RAB27A: variants seen among roughly 807,000 people sequenced by gnomAD.
RAB27A encodes RAB27A, member RAS oncogene family.
Under a neutral mutation model 20.8 loss-of-function variants are expected in RAB27A, and 17 were observed. The observed-to-expected ratio is 0.82, with a 90% CI of 0.56 to 1.23. The LOEUF is 1.23. Among genes scored for constraint, RAB27A ranks in the 50% most tolerant of loss-of-function variants. The pLI is 0.00. For missense variants in RAB27A, 277 were observed against 266.7 expected (o/e 1.04, Z -0.27); for synonymous variants, 85 against 92.8 (o/e 0.92, Z 0.48).
chr15:55,309,372 C>A (rs1438080560), intron 2 of RAB27A, among the ~76,000 whole-genome samples: 1 of 152,200 alleles, frequency 6.6e-6, no homozygotes, highest in Non-Finnish European at 1.5e-5. Context: ...GGTTTGGAAA[C>A]CTTGTAGTCA....
At chr15:55,220,657 A>G (rs12442937) in intron 6 of RAB27A, among the ~76,000 whole-genome samples, 18,691 of 152,240 alleles carry the variant, frequency 0.12, 1,438 homozygotes, top group Admixed American at 0.2. Context: ...TACAAATTAT[A>G]TGAAGATATG....
chr15:55,276,904 G>A (rs1003890900), intron 1 of RAB27A, among the ~76,000 whole-genome samples: 3 of 152,176 alleles, frequency 2.0e-5, no homozygotes, highest in African/African-American at 4.8e-5. Flanking sequence ...TGATGGTGGC[G>A]ATGGTTTCAT....
At chr15:55,317,521 G>T in intron 1 of RAB27A, 1 of 349,106 alleles carries the variant, frequency 2.9e-6, no homozygotes, top group Non-Finnish European at 5.1e-6. Context: ...CACCATGTTG[G>T]TCAGGCTGGT....
intron 6 of RAB27A, among the ~76,000 whole-genome samples, chr15:55,216,339 C>T (rs1282137034): frequency 2.6e-5 from 4 of 152,084 alleles, no homozygotes; most frequent in African/African-American, 4.8e-5. Context: ...TCAAGATCAG[C>T]CTGGCCAACA....
intron 1 of RAB27A, among the ~76,000 whole-genome samples, chr15:55,276,950 T>C (rs1272247889): frequency 6.6e-6 from 1 of 152,220 alleles, no homozygotes; most frequent in Admixed American, 6.5e-5. Context: ...TCAAGATGTA[T>C]ACATTAAATA....
Position 55,241,598 on chromosome 15 carries a change from A to ATTTC in RAB27A, c.-22-6643_-22-6642insGAAA, listed in dbSNP as rs1204017741. 1.6e-3 allele frequency among the ~76,000 whole-genome samples: 151 copies of ATTTC among 96,838 alleles called. 3 individuals are homozygous for ATTTC. Among genetic ancestry groups the ATTTC allele is most frequent in the African/African-American group, 8.0e-3 (145 of 18,074 alleles). The allele number at this position is 96,838 out of a possible 152,430, so 63.5% of individuals were successfully genotyped here. On this transcript the variant is annotated intron_variant, in intron 2 of 6. Transcript: ENST00000336787. ...CTAGCCCAGGCAACTAGCAAGACCT[A>ATTTC]TTTATATATATATATATATATATAT...
At chr15:55,209,752 GTGTA>G (rs1894831484) in intron 6 of RAB27A, among the ~76,000 whole-genome samples, 1 of 137,958 alleles carries the variant, frequency 7.2e-6, no homozygotes. Context: ...ACATATATAT[GTGTA>G]TGTGTGTACA....
At chr15:55,245,150 C>T (rs995460736) in intron 2 of RAB27A, among the ~76,000 whole-genome samples, 3 of 152,290 alleles carry the variant, frequency 2.0e-5, no homozygotes, top group Middle Eastern at 6.8e-3. Context: ...ACAATTCCTA[C>T]ACCCTGAGGT....
At chr15:55,283,030 T>C (rs935503785) in intron 1 of RAB27A, among the ~76,000 whole-genome samples, 12 of 152,304 alleles carry the variant, frequency 7.9e-5, no homozygotes, top group African/African-American at 2.4e-4. Flanking sequence ...TAGTTAGTTT[T>C]ACATGATGGA....
chr15:55,302,423 A>G (rs1183861309), intron 2 of RAB27A, among the ~76,000 whole-genome samples: 7 of 151,976 alleles, frequency 4.6e-5, no homozygotes, highest in Admixed American at 4.6e-4. Flanking sequence ...TCGGCTCACT[A>G]CAACCTACAC....
chr15:55,268,955 C>T (rs1897608611), intron 2 of RAB27A, among the ~76,000 whole-genome samples: 1 of 152,094 alleles, frequency 6.6e-6, no homozygotes, highest in Admixed American at 6.5e-5. Flanking sequence ...ATGGTCTCTT[C>T]ACAAGAAAGG....
At position 55,259,303 on chromosome 15, in the gene RAB27A, CT is replaced by C. The variant is rs913792473; in HGVS notation, c.-23+10861del. Among the ~76,000 whole-genome samples, 196 of 145,458 alleles carry C rather than the reference CT, an allele frequency of 1.3e-3. 1 individual carries two copies. Among genetic ancestry groups the C allele is most frequent in the African/African-American group, 4.2e-3 (165 of 39,732 alleles). ...ATTTTATATCATATCAAGAAAGTCT[CT>C]TTTTTTTTTAATGGAGACACGGTCT... On this transcript the variant is annotated intron_variant, in intron 2 of 6. Transcript: ENST00000336787.
At chr15:55,301,610 A>G (rs2054972359) in intron 2 of RAB27A, among the ~76,000 whole-genome samples, 1 of 149,832 alleles carries the variant, frequency 6.7e-6, no homozygotes, top group Non-Finnish European at 1.5e-5. Flanking sequence ...GATCACCACT[A>G]TCTACTTCCA....
intron 2 of RAB27A, among the ~76,000 whole-genome samples, chr15:55,306,659 G>A (rs1024160899): frequency 6.6e-6 from 1 of 152,200 alleles, no homozygotes; most frequent in Non-Finnish European, 1.5e-5. Flanking sequence ...AAGAGTGGCA[G>A]AGTTATAGCA....
chr15:55,223,945 CA>C lies in RAB27A; in HGVS notation c.410del (p.Leu137ArgfsTer6). On this transcript the variant is annotated frameshift_variant, in exon 6 of 7. Transcript: ENST00000336787. LOFTEE classifies it high-confidence loss of function. The part of the protein sequence containing the change: ...DIVLCGNKSD[L>X]EDQRVVKEEE... ...CCTCTTTCACTACTCTCTGGTCCTC[CA>C]GATCACTCTTGTTTCCACACAGCAC... The C allele has an allele frequency of 6.2e-7, 1 of 1,613,624 alleles. No homozygotes were observed. The highest frequency in any genetic ancestry group is 2.2e-5 in the East Asian group (1 of 44,866).
chr15:55,288,818 C>G (rs1318604559), intron 1 of RAB27A: 1 of 149,436 alleles, frequency 6.7e-6, no homozygotes, highest in African/African-American at 2.5e-5. Flanking sequence ...GTTTTTAAGG[C>G]CGAAAAAAAA....
chr15:55,271,855 G>A lies in RAB27A; in HGVS notation c.-142-1571C>T, dbSNP rs141965627. On this transcript the variant is annotated intron_variant, in intron 1 of 6. Transcript: ENST00000336787. Reference sequence around the variant, plus strand: ...TGTCCAATCTAAAAAAACCACCACCGGCCTCAAGAACTGTGGGCAACTAAG... The same window carrying A: ...TGTCCAATCTAAAAAAACCACCACCAGCCTCAAGAACTGTGGGCAACTAAG... Among the ~76,000 whole-genome samples the A allele has an allele frequency of 2.1e-3, 322 of 152,156 alleles. 3 individuals carry two copies. Among genetic ancestry groups the A allele is most frequent in the African/African-American group, 7.5e-3 (310 of 41,512 alleles).
intron 2 of RAB27A, among the ~76,000 whole-genome samples, chr15:55,299,843 T>C (rs12902902): frequency 0.48 from 70,895 of 148,966 alleles, 19,757 homozygotes; most frequent in African/African-American, 0.76. Context: ...TTTTTTGAGA[T>C]GGAGTCTCAC....
At chr15:55,277,702 T>C (rs1262786865) in intron 1 of RAB27A, among the ~76,000 whole-genome samples, 1 of 152,204 alleles carries the variant, frequency 6.6e-6, no homozygotes, top group Non-Finnish European at 1.5e-5. Context: ...CACCAAAAAA[T>C]GTTCTGAAAG....
Sources: gnomAD v4.1 joint callset for allele counts (sites outside exome capture counted in the v4.1 genomes callset) on GRCh38, gnomAD v4.1.1 for gene constraint, MANE v1.5 for transcripts, NCBI Gene and HGNC (gene_info 2026-07-23, HGNC 2026-07-21) for gene names.